NRXN3: variants seen among roughly 807,000 people sequenced by gnomAD.
The protein encoded by NRXN3 is neurexin III.
NRXN3 carries 32 observed loss-of-function variants against 137.6 expected under a neutral mutation model. The observed-to-expected ratio is 0.23, with a 90% CI of 0.18 to 0.31. The LOEUF (loss-of-function observed/expected upper bound fraction) is 0.31, where lower values mean the gene tolerates loss of function less well. Among genes scored for constraint, NRXN3 ranks in the 10% least tolerant of loss-of-function variants. NRXN3 has a pLI of 1.00. For synonymous variants in NRXN3, 798 were observed against 784.5 expected (o/e 1.02, Z -0.29); for missense variants, 1,574 against 2,062.5 (o/e 0.76, Z 4.59).
At chr14:79,112,531 C>A (rs368915436) in intron 15 of NRXN3, among the ~76,000 whole-genome samples, 1 of 152,226 alleles carries the variant, frequency 6.6e-6, no homozygotes, top group South Asian at 2.1e-4. Flanking sequence ...AACTAGGACA[C>A]GGGATTAATG....
At chr14:79,116,206 C>A (rs1361987937) in intron 15 of NRXN3, among the ~76,000 whole-genome samples, 3 of 152,076 alleles carry the variant, frequency 2.0e-5, no homozygotes, top group Non-Finnish European at 4.4e-5. Flanking sequence ...AGGGAAAGAC[C>A]ATCCAGCTCA....
chr14:78,933,706 TAATGA>T (rs765131715), intron 10 of NRXN3, among the ~76,000 whole-genome samples: 6 of 152,176 alleles, frequency 3.9e-5, no homozygotes, highest in Non-Finnish European at 7.4e-5. Flanking sequence ...CAAACACACA[TAATGA>T]AATGGTCAAA....
chr14:78,385,324 CACACACACACG>C (rs2089796139), intron 4 of NRXN3, among the ~76,000 whole-genome samples: 1 of 146,590 alleles, frequency 6.8e-6, no homozygotes, highest in African/African-American at 2.6e-5. Context: ...CACACACACA[CACACACACACG>C]CATATAAAAC....
At chr14:78,387,968 A>G (rs2090218022) in intron 4 of NRXN3, among the ~76,000 whole-genome samples, 1 of 152,152 alleles carries the variant, frequency 6.6e-6, no homozygotes, top group Non-Finnish European at 1.5e-5. Context: ...CCCCTGTGCC[A>G]CATCCTCCCT....
chr14:78,973,319 G>T (rs1231473857), intron 14 of NRXN3, among the ~76,000 whole-genome samples: 2 of 152,282 alleles, frequency 1.3e-5, no homozygotes, highest in Non-Finnish European at 2.9e-5. Context: ...GCCAAGGCCA[G>T]CCCTTATGCC....
chr14:79,165,909 C>A (rs1055128775), intron 15 of NRXN3, among the ~76,000 whole-genome samples: 2 of 151,962 alleles, frequency 1.3e-5, no homozygotes, highest in Non-Finnish European at 2.9e-5. Context: ...TCTCACAACA[C>A]CACGAGCTTT....
At chr14:79,646,559 A>G (rs923547132) in intron 16 of NRXN3, among the ~76,000 whole-genome samples, 2 of 135,542 alleles carry the variant, frequency 1.5e-5, no homozygotes, top group East Asian at 2.0e-4. Context: ...TGTGCTCCAC[A>G]TAACCATAAA....
chr14:79,425,071 G>A (rs1387572947), intron 15 of NRXN3, among the ~76,000 whole-genome samples: 1 of 152,166 alleles, frequency 6.6e-6, no homozygotes, highest in Non-Finnish European at 1.5e-5. Context: ...TAGCTTAGGG[G>A]TTAAACTCAC....
intron 2 of NRXN3, 92 bp from the exon 3 acceptor site, chr14:78,278,553 T>TTG (rs142675445): frequency 8.1e-5 from 75 of 927,010 alleles, no homozygotes; most frequent in Non-Finnish European, 1.1e-4. Context: ...GCACATTGCA[T>TTG]TGTGTGTGTG....
intron 19 of NRXN3, among the ~76,000 whole-genome samples, chr14:79,712,083 C>T (rs949460954): frequency 4.6e-5 from 7 of 151,728 alleles, no homozygotes; most frequent in Non-Finnish European, 7.4e-5. Flanking sequence ...TAGATAGCAT[C>T]GTGAGACTTA....
chr14:79,494,440 A>G (rs2096746999), intron 16 of NRXN3, among the ~76,000 whole-genome samples: 1 of 152,190 alleles, frequency 6.6e-6, no homozygotes, highest in South Asian at 2.1e-4. Context: ...AAAGCAAAAG[A>G]GGTGAAAAGT....
intron 4 of NRXN3, among the ~76,000 whole-genome samples, chr14:78,510,040 T>TTATATATATATATA (rs57232548): frequency 8.6e-4 from 124 of 144,496 alleles, no homozygotes; most frequent in Middle Eastern, 6.9e-3. Context: ...TGACAAAATT[T>TTATATATATATATA]TATATATATA....
chr14:78,931,136 T>C (rs983832744), intron 10 of NRXN3, among the ~76,000 whole-genome samples: 2 of 151,778 alleles, frequency 1.3e-5, no homozygotes, highest in East Asian at 3.9e-4. Context: ...ACAACATGAA[T>C]TTTTTTTTCC....
chr14:79,008,955 C>T (rs1403274725), intron 15 of NRXN3, among the ~76,000 whole-genome samples: 1 of 151,966 alleles, frequency 6.6e-6, no homozygotes, highest in East Asian at 1.9e-4. Flanking sequence ...CCACGCCTGG[C>T]CTGAATTTTT....
At chr14:79,734,384 A>G (rs1301852441) in intron 19 of NRXN3, among the ~76,000 whole-genome samples, 1 of 152,196 alleles carries the variant, frequency 6.6e-6, no homozygotes, top group African/African-American at 2.4e-5. Flanking sequence ...TGTCATGGCA[A>G]GCTGGGAGAC....
chr14:79,512,341 CCTTAT>C (rs1168414995), intron 16 of NRXN3, among the ~76,000 whole-genome samples: 3 of 152,118 alleles, frequency 2.0e-5, no homozygotes, highest in African/African-American at 7.2e-5. Context: ...TCTCCTGTTT[CCTTAT>C]CCATAAAATG....
intron 16 of NRXN3, among the ~76,000 whole-genome samples, chr14:79,657,604 T>C (rs2098512497): frequency 6.6e-6 from 1 of 152,178 alleles, no homozygotes; most frequent in Non-Finnish European, 1.5e-5. Context: ...AAGACCATAA[T>C]GTTGAAAGAG....
intron 4 of NRXN3, among the ~76,000 whole-genome samples, chr14:78,580,374 T>TA (rs2096981036): frequency 6.6e-6 from 1 of 152,156 alleles, no homozygotes; most frequent in Non-Finnish European, 1.5e-5. Context: ...GCTCAGCACT[T>TA]ATCCTAAGTT....
At chr14:79,048,945 C>T (rs2099637146) in intron 15 of NRXN3, among the ~76,000 whole-genome samples, 1 of 139,070 alleles carries the variant, frequency 7.2e-6, no homozygotes. Flanking sequence ...ATGGCGTGAA[C>T]CCGGGAGGCG....
Sources: allele counts gnomAD v4.1 joint callset (sites outside exome capture counted in the v4.1 genomes callset), GRCh38; gene constraint gnomAD v4.1.1; transcripts MANE v1.5; gene names NCBI Gene and HGNC (gene_info 2026-07-23, HGNC 2026-07-21).